CST9: variants seen among roughly 807,000 people sequenced by gnomAD.
CST9 encodes the protein cystatin 9.
CST9 carries 11 observed loss-of-function variants against 7.7 expected under a neutral mutation model. The observed-to-expected ratio is 1.44, with a 90% confidence interval of 0.90 to 2.38. The LOEUF is 2.38. Among genes scored for constraint, CST9 ranks in the 30% most tolerant of loss-of-function variants. The probability of loss-of-function intolerance (pLI) is 0.00; values close to 1 mark genes in which losing one functional copy is unlikely to be tolerated. For synonymous variants in CST9, 71 were observed against 74.3 expected (o/e 0.96, Z 0.23); for missense variants, 214 against 199.1 (o/e 1.07, Z -0.45).
chr20:23,603,241 A>G lies in CST9; in HGVS notation c.*269T>C. ...ACCACTTTTGGGTCTAGGGCAGGGT[A>G]GGGAAACCCTGAGAAAAGTACCCAC... On this transcript the variant is annotated 3_prime_UTR_variant, in exon 2 of 2. Transcript: ENST00000376971. 7.6e-7 allele frequency: 1 copy of G among 1,315,194 alleles called. No homozygotes were observed. The highest frequency in any genetic ancestry group is 9.7e-7 in the Non-Finnish European group (1 of 1,027,166). 81.5% of individuals were successfully genotyped at this position (1,315,194 alleles called of 1,614,324 possible). A position where few individuals can be genotyped will look rare whatever the true frequency, so the allele number is the denominator to read the frequency against.
chr20:23,602,635 C>T lies in CST9; in HGVS notation c.*875G>A, dbSNP rs1978642211. The T allele has an allele frequency of 1.1e-6, 1 of 949,940 alleles. No individual in the cohort carries two copies. Among genetic ancestry groups the T allele is most frequent in the Non-Finnish European group, 1.3e-6 (1 of 797,796 alleles). The allele number at this position is 949,940 out of a possible 1,614,324, so 58.8% of individuals were successfully genotyped here. ...GTGAGTGGCTTCCACTCAGGAGAGC[C>T]CCTCTGAGCAGGTCTTGTTCAGGAG... On this transcript the variant is annotated 3_prime_UTR_variant, in exon 2 of 2. Transcript: ENST00000376971.
rs535812108 is a variant in CST9, at chr20:23,605,085, G to A, written c.255+525C>T. On this transcript the variant is annotated intron_variant, in intron 1 of 1. Transcript: ENST00000376971. ...GAGCAAGGAGCCCAGAGAAGGTGGA[G>A]ATCAGAGAACTAACCTTTCACGGTG... Among the ~76,000 whole-genome samples, 5 of 152,302 alleles carry A rather than the reference G, an allele frequency of 3.3e-5. No homozygotes were observed. The East Asian group carries it at 7.7e-4, about 24-fold the overall frequency.
chr20:23,603,823 C>T, intron 1 of CST9, 89 bp from the exon 2 acceptor site: 1 of 1,339,296 alleles, frequency 7.5e-7, no homozygotes, highest in Non-Finnish European at 1.0e-6. Context: ...TAGGAGAGGC[C>T]CCAACACTTT....
chr20:23,605,753 T>G lies in CST9; in HGVS notation c.112A>C (p.Asn38His), dbSNP rs1470065487. 3 of 1,614,086 alleles carry G rather than the reference T, an allele frequency of 1.9e-6. No homozygotes were observed. The African/African-American group carries it at 4.0e-5, about 22-fold the overall frequency. ...ATAGGATCCTGGACTATTTTATTAT[T>G]ACCACCCATTTCCTCTTCAGAACAC... Reference protein sequence around the residue: ...AWCSEEEMGGNNKIVQDPMFL... With the variant: ...AWCSEEEMGGHNKIVQDPMFL... Residue 38 changes from asparagine (N) to histidine (H), a missense_variant, in exon 1 of 2, where the codon AAT (asparagine) becomes CAT (histidine). Transcript: ENST00000376971.
chr20:23,603,659 CA>C lies in CST9; in HGVS notation c.330del (p.Ile110MetfsTer12). On this transcript the variant is annotated frameshift_variant, in exon 2 of 2. Transcript: ENST00000376971. LOFTEE classifies it low-confidence loss of function (END_TRUNC). The part of the protein sequence containing the change: ...QTVCRKFEDD[I>X]DNCPFQESLE... ...AGGCTTTCTTGAAAAGGGCAGTTGT[CA>C]ATGTCATCTTCAAATTTCCTACATA... 1 of 1,614,246 alleles carries C rather than the reference CA, an allele frequency of 6.2e-7. No individual in the cohort carries two copies. The highest frequency in any genetic ancestry group is 8.5e-7 in the Non-Finnish European group (1 of 1,180,048).
At position 23,603,599 on chromosome 20, in the gene CST9, GA is replaced by G. The variant is rs747378274; in HGVS notation, c.390del (p.Pro131LeufsTer71). ...CAGCATCCACAGCTGTGGACCTGAGGAAAGCTGATGCCCTGTCTTACGTTGT... is the reference window on the plus strand; with the variant it reads ...CAGCATCCACAGCTGTGGACCTGAGGAAGCTGATGCCCTGTCTTACGTTGT... ...ELNNVRQGIS[F>X]PQVHSCGCCM... On this transcript the variant is annotated frameshift_variant, in exon 2 of 2. Coordinates refer to ENST00000376971, the MANE Select transcript of CST9 (RefSeq NM_001008693.3). LOFTEE classifies it low-confidence loss of function (END_TRUNC). The G allele has an allele frequency of 4.5e-5, 73 of 1,614,092 alleles. No individual in the cohort carries two copies. Among genetic ancestry groups the G allele is most frequent in the Non-Finnish European group, 5.7e-5 (67 of 1,180,036 alleles).
rs900772199 is a variant in CST9, at chr20:23,603,160, T to G, written c.*350A>C. The G allele has an allele frequency of 3.7e-6, 4 of 1,094,030 alleles. No individual in the cohort carries two copies. Among genetic ancestry groups the G allele is most frequent in the African/African-American group, 1.6e-5 (1 of 60,838 alleles). 67.8% of individuals were successfully genotyped at this position (1,094,030 alleles called of 1,614,324 possible). On this transcript the variant is annotated 3_prime_UTR_variant, in exon 2 of 2. Transcript: ENST00000376971. ...CTTGGAGCTCGTCCCCTAGAGCAGG[T>G]GCTGCAGCTCAGCAGGGCCTAGGAG...
At chr20:23,603,789 C>T in intron 1 of CST9, 55 bp from the exon 2 acceptor site, 1 of 1,568,286 alleles carries the variant, frequency 6.4e-7, no homozygotes, top group Non-Finnish European at 8.7e-7. Context: ...CCCTAAGTAG[C>T]TACTAGTGAA....
Position 23,603,237 on chromosome 20 carries a change from G to A in CST9, c.*273C>T. On this transcript the variant is annotated 3_prime_UTR_variant, in exon 2 of 2. Coordinates refer to ENST00000376971, the MANE Select transcript of CST9 (RefSeq NM_001008693.3). ...CTCCACCACTTTTGGGTCTAGGGCA[G>A]GGTAGGGAAACCCTGAGAAAAGTAC... The A allele has an allele frequency of 7.6e-7, 1 of 1,313,636 alleles. No homozygotes were observed. 81.4% of individuals were successfully genotyped at this position (1,313,636 alleles called of 1,614,324 possible).
At position 23,603,468 on chromosome 20, in the gene CST9, C is replaced by A. The variant is rs1978671573; in HGVS notation, c.*42G>T. The A allele has an allele frequency of 5.6e-6, 9 of 1,604,164 alleles. No individual in the cohort carries two copies. Among genetic ancestry groups the A allele is most frequent in the Non-Finnish European group, 7.7e-6 (9 of 1,174,570 alleles). On this transcript the variant is annotated 3_prime_UTR_variant, in exon 2 of 2. Transcript: ENST00000376971. The stretch of plus-strand genomic sequence containing the variant: ...GCTTAATGCCTCACTGGGCTTCCCA[C>A]TAAGGCACAAGCAGGGCAGCCTGGT...
At position 23,605,658 on chromosome 20, in the gene CST9, C is replaced by G. The variant is rs375275437; in HGVS notation, c.207G>C (p.Arg69Ser). Residue 69 changes from arginine to serine, a missense_variant, in exon 1 of 2, where the codon AGG becomes AGC. Transcript: ENST00000376971. ...NVQSKEEHAY[R>S]LLRVLSSWRE... ...TCCATGAACTCAGGACGCGCAACAG[C>G]CTGTAGGCATGCTCCTCCTTGCTCT... 2.5e-6 allele frequency: 4 copies of G among 1,614,196 alleles called. No individual in the cohort carries two copies. The highest frequency in any genetic ancestry group is 2.5e-6 in the Non-Finnish European group (3 of 1,180,042).
chr20:23,604,030 C>T (rs148131309), intron 1 of CST9, among the ~76,000 whole-genome samples: 327 of 152,334 alleles, frequency 2.1e-3, no homozygotes, highest in Non-Finnish European at 3.7e-3. Flanking sequence ...GAGACTCCAG[C>T]TTCACTCTCA....
Position 23,603,456 on chromosome 20 carries a change from C to G in CST9, c.*54G>C, listed in dbSNP as rs1014048842. On this transcript the variant is annotated 3_prime_UTR_variant, in exon 2 of 2. Coordinates refer to ENST00000376971, the MANE Select transcript of CST9 (RefSeq NM_001008693.3). ...GTGAACCCCTGGGCTTAATGCCTCACTGGGCTTCCCACTAAGGCACAAGCA... is the reference window on the plus strand; with the variant it reads ...GTGAACCCCTGGGCTTAATGCCTCAGTGGGCTTCCCACTAAGGCACAAGCA... 6.3e-7 allele frequency: 1 copy of G among 1,590,628 alleles called. No individual in the cohort carries two copies. Among genetic ancestry groups the G allele is most frequent in the African/African-American group, 1.3e-5 (1 of 74,442 alleles).
At position 23,603,354 on chromosome 20, in the gene CST9, A is replaced by T; in HGVS notation, c.*156T>A. 1 of 1,444,252 alleles carries T rather than the reference A, an allele frequency of 6.9e-7. No homozygotes were observed. Among genetic ancestry groups the T allele is most frequent in the Non-Finnish European group, 9.1e-7 (1 of 1,104,068 alleles). 89.5% of individuals were successfully genotyped at this position (1,444,252 alleles called of 1,614,324 possible). On this transcript the variant is annotated 3_prime_UTR_variant, in exon 2 of 2. Transcript: ENST00000376971. ...GACCAGAGAGAAGGTTCTGAAGGCCATGTGGCCCAGGTGCAGGCAGCTGCA... is the reference window on the plus strand; with the variant it reads ...GACCAGAGAGAAGGTTCTGAAGGCCTTGTGGCCCAGGTGCAGGCAGCTGCA...
rs781140039 is a variant in CST9 at position 23,603,549 on chromosome 20, T to G, written c.441A>C (p.Gly147=). 6.2e-7 allele frequency: 1 copy of G among 1,614,016 alleles called. No individual in the cohort carries two copies. Among genetic ancestry groups the G allele is most frequent in the African/African-American group, 1.3e-5 (1 of 74,922 alleles). The change falls in exon 2 of 2, where the codon GGA becomes GGC. Residue 147 remains glycine, a synonymous_variant. Transcript: ENST00000376971. Reference sequence around the variant, plus strand: ...CCCTCGGAATGGCTTTGTCAGCTGCTCCTGTGCCCACACCACACCCCATGC... The same window carrying G: ...CCCTCGGAATGGCTTTGTCAGCTGCGCCTGTGCCCACACCACACCCCATGC... ...GCCMGCGVGT[G]AADKAIPRDK...
chr20:23,605,828 C>A lies in CST9; in HGVS notation c.37G>T (p.Ala13Ser), dbSNP rs763090442. The A allele has an allele frequency of 3.1e-6, 5 of 1,614,168 alleles. No individual in the cohort carries two copies. In the Admixed American group the frequency reaches 8.3e-5, roughly 27 times the overall value. ...AAGCCCATGAGAAGCAGTGACAGTG[C>A]CCAGGGCATAGCCTTCCTCCTCTGC... ...SPQRRKAMPW[A>S]LSLLLMGFQL... is the part of the protein sequence containing the mutation. Residue 13 changes from alanine to serine, a missense_variant, in exon 1 of 2, where the codon GCA (alanine) becomes TCA (serine). By Grantham distance (99) the Ala-to-Ser change is moderately conservative. Coordinates refer to ENST00000376971, the MANE Select transcript of CST9 (RefSeq NM_001008693.3).
Position 23,603,567 on chromosome 20 carries a change from C to T in CST9, c.423G>A (p.Gly141=), listed in dbSNP as rs372303402. The change falls in exon 2 of 2, where the codon GGG becomes GGA. Residue 141 remains glycine (G), a synonymous_variant. Transcript: ENST00000376971. ...PQVHSCGCCM[G]CGVGTGAADK... Reference sequence around the variant, plus strand: ...CAGCTGCTCCTGTGCCCACACCACACCCCATGCAGCATCCACAGCTGTGGA... The same window carrying T: ...CAGCTGCTCCTGTGCCCACACCACATCCCATGCAGCATCCACAGCTGTGGA... The T allele has an allele frequency of 4.3e-5, 69 of 1,614,082 alleles. No individual in the cohort carries two copies. The South Asian group carries it at 6.7e-4, about 16-fold the overall frequency.
At chr20:23,605,526 C>G in intron 1 of CST9, 84 bp downstream of exon 1, 1 of 1,479,024 alleles carries the variant, frequency 6.8e-7, no homozygotes, top group Non-Finnish European at 9.2e-7. Context: ...TGATGGTGAA[C>G]CAAGTCTCCT....
In CST9 at chr20:23,603,336, G is replaced by T. The variant is rs1350680370; in HGVS notation, c.*174C>A. 7.0e-7 allele frequency: 1 copy of T among 1,436,560 alleles called. No individual in the cohort carries two copies. The highest frequency in any genetic ancestry group is 1.4e-5 in the African/African-American group (1 of 69,680). 89.0% of individuals were successfully genotyped at this position (1,436,560 alleles called of 1,614,324 possible). On this transcript the variant is annotated 3_prime_UTR_variant, in exon 2 of 2. Coordinates refer to ENST00000376971, the MANE Select transcript of CST9 (RefSeq NM_001008693.3). ...GGAAGAAGTGGGGAGGAAGACCAGA[G>T]AGAAGGTTCTGAAGGCCATGTGGCC...
Sources: allele counts gnomAD v4.1 joint callset (sites outside exome capture counted in the v4.1 genomes callset), GRCh38; gene constraint gnomAD v4.1.1; transcripts MANE v1.5; gene names NCBI Gene and HGNC (gene_info 2026-07-23, HGNC 2026-07-21).